RMC1: variants seen among roughly 807,000 people sequenced by gnomAD.
The protein encoded by RMC1 is regulator of MON1-CCZ1 complex.
Under a neutral mutation model 95.5 loss-of-function variants are expected in RMC1, and 44 were observed. The observed-to-expected ratio is 0.46, with a 90% CI of 0.36 to 0.59. The LOEUF is 0.59. RMC1 is among the 20% of genes least tolerant of loss of function. RMC1 has a pLI of 0.00. For missense variants in RMC1, 705 were observed against 819.6 expected, an observed-to-expected ratio of 0.86 and a Z score of 1.71; for synonymous variants, 320 against 303.6, an observed-to-expected ratio of 1.05 and a Z score of -0.56.
chr18:23,526,587 T>C (rs778768960), intron 12 of RMC1, 50 bp from the exon 13 acceptor site: 11 of 1,591,530 alleles, frequency 6.9e-6, no homozygotes, highest in Middle Eastern at 1.7e-4. Flanking sequence ...TTTTGGGCTT[T>C]TGTTACGGTT....
intron 10 of RMC1, among the ~76,000 whole-genome samples, chr18:23,523,850 T>C (rs562899082): frequency 1.4e-4 from 22 of 152,334 alleles, no homozygotes; most frequent in African/African-American, 5.3e-4. Flanking sequence ...ATGTAAACGA[T>C]CATGAGTCAT....
chr18:23,509,089 C>T (rs995562986), intron 4 of RMC1, 104 bp from the exon 5 acceptor site: 14 of 396,020 alleles, frequency 3.5e-5, no homozygotes, highest in Middle Eastern at 7.0e-4. Flanking sequence ...TTCCGGGGAA[C>T]GTTCATTAAA....
At chr18:23,519,683 C>T (rs1423161526) in intron 9 of RMC1, among the ~76,000 whole-genome samples, 1 of 152,188 alleles carries the variant, frequency 6.6e-6, no homozygotes. Context: ...ATTTCAGAAA[C>T]TAACGCTTGA....
intron 14 of RMC1, 42 bp downstream of exon 14, chr18:23,527,943 C>G: frequency 2.1e-6 from 3 of 1,455,248 alleles, no homozygotes; most frequent in Non-Finnish European, 2.8e-6. Flanking sequence ...CCTCCCCCAC[C>G]CCCTCCCGGG....
At chr18:23,503,820 C>A in intron 1 of RMC1, 100 bp downstream of exon 1, 1 of 991,700 alleles carries the variant, frequency 1.0e-6, no homozygotes, top group Non-Finnish European at 1.4e-6. Context: ...CCCCTCCTGT[C>A]CTGTCCCGTC....
Position 23,504,449 on chromosome 18 carries a change from T to TAG in RMC1, c.179+3_179+4insGA. 2 of 1,605,914 alleles carry TAG rather than the reference T, an allele frequency of 1.2e-6. No individual in the cohort carries two copies. Among genetic ancestry groups the TAG allele is most frequent in the East Asian group, 4.5e-5 (2 of 44,860 alleles). ...TGATAGGAATCCCATCTCATTTAGGTAATGGTATAGACACTTTCAGATCAT... is the reference window on the plus strand; with the variant it reads ...TGATAGGAATCCCATCTCATTTAGGTAGAATGGTATAGACACTTTCAGATCAT... On this transcript the variant is annotated splice_region_variant and intron_variant, in intron 2 of 19. Coordinates refer to ENST00000269221, the MANE Select transcript of RMC1 (RefSeq NM_013326.5).
At chr18:23,519,519 GA>G (rs35759590) in intron 9 of RMC1, among the ~76,000 whole-genome samples, 4,064 of 135,948 alleles carry the variant, frequency 0.03, 241 homozygotes, top group East Asian at 0.3. Flanking sequence ...TCCTGTCTCC[GA>G]AAAAAAAAAA....
At chr18:23,512,702 G>A (rs1052678178) in intron 5 of RMC1, among the ~76,000 whole-genome samples, 5 of 151,860 alleles carry the variant, frequency 3.3e-5, no homozygotes, top group African/African-American at 1.2e-4. Context: ...AGAGTGCTGG[G>A]ATTTATGGGC....
Position 23,529,640 on chromosome 18 carries a change from G to C in RMC1, c.1422G>C (p.Met474Ile). 6.2e-7 allele frequency: 1 copy of C among 1,614,018 alleles called. No homozygotes were observed. Among genetic ancestry groups the C allele is most frequent in the Non-Finnish European group, 8.5e-7 (1 of 1,179,898 alleles). Residue 474 changes from methionine (M) to isoleucine (I), a missense_variant, in exon 16 of 20, where the codon ATG (methionine) becomes ATC (isoleucine). Transcript: ENST00000269221. ...VLSAFVEKKE[M>I]PHKFVIAVLM... is the part of the protein sequence containing the mutation. ...CCACATTTTTTTCTCCCTAGGAGAT[G>C]CCTCATAAATTTGTGATAGCCGTGC...
intron 13 of RMC1, among the ~76,000 whole-genome samples, chr18:23,527,348 G>A (rs1465375425): frequency 6.6e-6 from 1 of 151,824 alleles, no homozygotes; most frequent in Non-Finnish European, 1.5e-5. Flanking sequence ...GCAGCGAGCC[G>A]TTTGTGTCAG....
intron 19 of RMC1, 108 bp from the exon 20 acceptor site, chr18:23,531,512 GTATTT>G: frequency 6.7e-7 from 1 of 1,501,914 alleles, no homozygotes; most frequent in Non-Finnish European, 8.8e-7. Flanking sequence ...GGAAAACAAT[GTATTT>G]TATTAAAGAA....
intron 7 of RMC1, among the ~76,000 whole-genome samples, chr18:23,517,346 C>A (rs1414355054): frequency 6.6e-6 from 1 of 152,038 alleles, no homozygotes; most frequent in African/African-American, 2.4e-5. Context: ...GACAGGGTTT[C>A]ACCATGTTGG....
At chr18:23,520,154 GCAAA>G (rs1567924241) in intron 9 of RMC1, 44 bp from the exon 10 acceptor site, 9 of 1,451,012 alleles carry the variant, frequency 6.2e-6, no homozygotes, top group Non-Finnish European at 8.7e-6. Flanking sequence ...AAGCAACTGG[GCAAA>G]CCATGATTGA....
chr18:23,524,587 C>T, intron 12 of RMC1, 105 bp downstream of exon 12: 2 of 1,178,410 alleles, frequency 1.7e-6, no homozygotes, highest in South Asian at 2.6e-5. Context: ...AGAAATGACC[C>T]CTCCTTTCAA....
chr18:23,530,132 G>A lies in RMC1; in HGVS notation c.1599G>A (p.Leu533=). The A allele has an allele frequency of 1.2e-6, 2 of 1,613,858 alleles. No individual in the cohort carries two copies. Among genetic ancestry groups the A allele is most frequent in the Non-Finnish European group, 1.7e-6 (2 of 1,179,806 alleles). The part of the protein sequence containing the change: ...QYHVLSDSKP[L]ACLLLSLESF... The stretch of plus-strand genomic sequence containing the variant: ...ACGTCCTCAGCGACTCCAAACCTTT[G>A]GTATGCATTGCCAGATTTTTACTTC... Residue 533 remains leucine (L), a splice_region_variant and synonymous_variant, in exon 17 of 20, where the codon TTG becomes TTA. Transcript: ENST00000269221.
In RMC1 at chr18:23,518,913, T is replaced by G. The variant is rs1227112419; in HGVS notation, c.677T>G (p.Phe226Cys). The change falls in exon 8 of 20, where the codon TTC becomes TGC. Residue 226 changes from phenylalanine to cysteine, a missense_variant. Transcript: ENST00000269221. Reference protein sequence around the residue: ...ATIYGQLYVLFLRHHSRTSNS... With the variant: ...ATIYGQLYVLCLRHHSRTSNS... ...AGATACGGGCAGCTGTATGTTCTCT[T>G]CTTGAGGCATCATTCTCGGACCTCC... 1 of 1,614,130 alleles carries G rather than the reference T, an allele frequency of 6.2e-7. No individual in the cohort carries two copies. Among genetic ancestry groups the G allele is most frequent in the Non-Finnish European group, 8.5e-7 (1 of 1,179,992 alleles).
intron 12 of RMC1, 129 bp downstream of exon 12, chr18:23,524,611 ATTTT>A (rs113496800): frequency 4.1e-4 from 294 of 719,366 alleles, no homozygotes; most frequent in South Asian, 1.0e-3. Context: ...TGGGAATGGG[ATTTT>A]TTTTTTTCAC....
rs1451299521 is a variant in RMC1, at chr18:23,509,204, C to A, written c.333C>A (p.Ala111=). Reference sequence around the variant, plus strand: ...AAAATTTTTCTTAGACTAAGAATGCCAACATTCTAGGATTCTGCTGGACTA... The same window carrying A: ...AAAATTTTTCTTAGACTAAGAATGCAAACATTCTAGGATTCTGCTGGACTA... The part of the protein sequence containing the change: ...EYTQECKTKN[A]NILGFCWTSS... The change falls in exon 5 of 20, where the codon GCC becomes GCA. Residue 111 remains alanine (A), a synonymous_variant. Coordinates refer to ENST00000269221, the MANE Select transcript of RMC1 (RefSeq NM_013326.5). The A allele has an allele frequency of 7.1e-7, 1 of 1,399,484 alleles. No individual in the cohort carries two copies. The highest frequency in any genetic ancestry group is 9.4e-7 in the Non-Finnish European group (1 of 1,069,230). The allele number at this position is 1,399,484 out of a possible 1,614,324, so 86.7% of individuals were successfully genotyped here.
chr18:23,524,767 G>A (rs898206120), intron 12 of RMC1, among the ~76,000 whole-genome samples: 2 of 151,630 alleles, frequency 1.3e-5, no homozygotes, highest in Admixed American at 6.6e-5. Flanking sequence ...ATGGAAAGCC[G>A]GACTCCACCC....
Sources: allele counts gnomAD v4.1 joint callset (sites outside exome capture counted in the v4.1 genomes callset), GRCh38; gene constraint gnomAD v4.1.1; transcripts MANE v1.5; gene names NCBI Gene and HGNC (gene_info 2026-07-23, HGNC 2026-07-21).